The following TMEM63B variants were observed in gnomAD, a reference collection of about 807,000 sequenced individuals.
The protein encoded by TMEM63B is mechanosensitive cation channel TMEM63B.
A neutral mutation model predicts 102.6 loss-of-function variants in TMEM63B; 23 were observed. The ratio of observed to expected loss-of-function variants is 0.22; its 90% CI spans 0.16 to 0.32. TMEM63B has a LOEUF of 0.32. TMEM63B is among the 10% of genes least tolerant of loss of function. The pLI is 1.00. For missense variants in TMEM63B, 628 were observed against 1,095.9 expected, an observed-to-expected ratio of 0.57 and a Z score of 6.03; for synonymous variants, 444 against 437.0, an observed-to-expected ratio of 1.02 and a Z score of -0.20.
rs533309368 is a variant in TMEM63B at position 44,144,300 on chromosome 6, C to T, written c.783-2547C>T. Among the ~76,000 whole-genome samples the T allele has an allele frequency of 7.9e-5, 12 of 152,298 alleles. No homozygotes were observed. In the South Asian group the frequency reaches 2.5e-3, roughly 32 times the overall value. On this transcript the variant is annotated intron_variant, in intron 10 of 23. Coordinates refer to ENST00000323267, the MANE Select transcript of TMEM63B (RefSeq NM_018426.3). ...CAGTCTGTCTGGATTGGAAGACTGT[C>T]TCAGCACAATTAGGAAATATCTTGC...
Position 44,135,013 on chromosome 6 carries a change from T to C in TMEM63B, c.160-4T>C, listed in dbSNP as rs1184436186. On this transcript the variant is annotated splice_region_variant and splice_polypyrimidine_tract_variant and intron_variant, in intron 2 of 23. Transcript: ENST00000323267. Reference sequence around the variant, plus strand: ...CACTTGCCAACTGCCCCCTCTTCCCTCAGGCACTGCTGTTCTTATTCTCTA... The same window carrying C: ...CACTTGCCAACTGCCCCCTCTTCCCCCAGGCACTGCTGTTCTTATTCTCTA... The C allele has an allele frequency of 6.2e-7, 1 of 1,614,206 alleles. No individual in the cohort carries two copies. Among genetic ancestry groups the C allele is most frequent in the Non-Finnish European group, 8.5e-7 (1 of 1,180,022 alleles).
chr6:44,155,023 G>C lies in TMEM63B; in HGVS notation c.*140G>C. ...TTCATTAAGGTATTTAAACTTGGGG[G>C]TTTCACTGCTCTCCCCCATGATGGA... On this transcript the variant is annotated 3_prime_UTR_variant, in exon 24 of 24. Transcript: ENST00000323267. 1 of 815,384 alleles carries C rather than the reference G, an allele frequency of 1.2e-6. No homozygotes were observed. The highest frequency in any genetic ancestry group is 1.7e-6 in the Non-Finnish European group (1 of 573,360). The allele number at this position is 815,384 out of a possible 1,614,324, so 50.5% of individuals were successfully genotyped here.
At position 44,136,383 on chromosome 6, in the gene TMEM63B, C is replaced by T. The variant is rs767663908; in HGVS notation, c.313C>T (p.Arg105Trp). 9.3e-6 allele frequency: 15 copies of T among 1,613,972 alleles called. No homozygotes were observed. Among genetic ancestry groups the T allele is most frequent in the South Asian group, 2.2e-5 (2 of 91,086 alleles). Residue 105 changes from arginine (R) to tryptophan (W), a missense_variant, in exon 5 of 24, where the codon CGG (arginine) becomes TGG (tryptophan). Physicochemically the swap from Arg to Trp is moderately radical, Grantham distance 101. This residue lies in a region of TMEM63B where 336 missense variants were observed against 580.3 expected (regional missense o/e 0.58). Coordinates refer to ENST00000323267, the MANE Select transcript of TMEM63B (RefSeq NM_018426.3). ...AGCTATGCACGGGGACAGCCATGACCGGTATGAGCGTCTCACCTCTGTCTC... is the reference window on the plus strand; with the variant it reads ...AGCTATGCACGGGGACAGCCATGACTGGTATGAGCGTCTCACCTCTGTCTC... ...ASAMHGDSHD[R>W]YERLTSVSSS...
At chr6:44,141,991 G>T (rs376533246) in intron 10 of TMEM63B, among the ~76,000 whole-genome samples, 2 of 151,850 alleles carry the variant, frequency 1.3e-5, no homozygotes, top group South Asian at 2.1e-4. Flanking sequence ...GTGTGGTGGC[G>T]TGCGCCTGTA....
chr6:44,134,124 C>T (rs904517706), intron 1 of TMEM63B, among the ~76,000 whole-genome samples: 3 of 152,188 alleles, frequency 2.0e-5, no homozygotes, highest in Non-Finnish European at 4.4e-5. Context: ...CCCATTCTCC[C>T]CTGACGTGGA....
At chr6:44,149,832 C>T (rs768316920) in intron 15 of TMEM63B, 27 bp from the exon 16 acceptor site, 15 of 1,583,914 alleles carry the variant, frequency 9.5e-6, no homozygotes, top group Non-Finnish European at 1.2e-5. Context: ...ACTGCCCTGC[C>T]TGACGCCCCC....
chr6:44,142,578 G>C (rs1323692215), intron 10 of TMEM63B, among the ~76,000 whole-genome samples: 1 of 152,170 alleles, frequency 6.6e-6, no homozygotes, highest in Non-Finnish European at 1.5e-5. Context: ...TAGTATGGCA[G>C]TCGGCTTTAG....
chr6:44,139,026 C>T (rs185711256), intron 6 of TMEM63B: 11 of 252,692 alleles, frequency 4.4e-5, no homozygotes, highest in South Asian at 3.8e-4. Flanking sequence ...TGCTGCTGCC[C>T]CTCCTCCCAT....
Position 44,141,084 on chromosome 6 carries a change from C to T in TMEM63B, c.768C>T (p.Ile256=). The T allele has an allele frequency of 6.2e-7, 1 of 1,614,014 alleles. No homozygotes were observed. The highest frequency in any genetic ancestry group is 8.5e-7 in the Non-Finnish European group (1 of 1,179,984). The part of the protein sequence containing the change: ...GISKYAESEK[I]KKHFEEAYPN... ...CCAAATATGCAGAGTCAGAAAAGAT[C>T]AAGAAGCATTTTGAGTGAGTAAGCC... The change falls in exon 10 of 24, where the codon ATC becomes ATT. Residue 256 remains isoleucine (I), a synonymous_variant. Transcript: ENST00000323267.
At chr6:44,129,594 G>A (rs1366562448) in intron 1 of TMEM63B, among the ~76,000 whole-genome samples, 1 of 152,158 alleles carries the variant, frequency 6.6e-6, no homozygotes, top group Non-Finnish European at 1.5e-5. Flanking sequence ...TTCAAAGAGT[G>A]AGAATATTCC....
At position 44,140,360 on chromosome 6, in the gene TMEM63B, G is replaced by A; in HGVS notation, c.711G>A (p.Leu237=). The A allele has an allele frequency of 6.2e-7, 1 of 1,612,602 alleles. No individual in the cohort carries two copies. The highest frequency in any genetic ancestry group is 8.5e-7 in the Non-Finnish European group (1 of 1,178,940). ...TSKMRYKEDD[L]VKRTLFINGI... Reference sequence around the variant, plus strand: ...AGATGCGCTACAAGGAGGATGATCTGGTGCGTGGAGCAGAGCCCAGGTCCT... The same window carrying A: ...AGATGCGCTACAAGGAGGATGATCTAGTGCGTGGAGCAGAGCCCAGGTCCT... Residue 237 remains leucine (L), a splice_region_variant and synonymous_variant, in exon 9 of 24, where the codon CTG becomes CTA. Transcript: ENST00000323267.
chr6:44,131,867 T>C (rs905402208), intron 1 of TMEM63B, among the ~76,000 whole-genome samples: 3 of 151,896 alleles, frequency 2.0e-5, no homozygotes, highest in Non-Finnish European at 4.4e-5. Context: ...AACCAAAACC[T>C]CAATATCAGA....
chr6:44,146,884 C>G lies in TMEM63B; in HGVS notation c.820C>G (p.Pro274Ala). The G allele has an allele frequency of 1.2e-6, 2 of 1,614,112 alleles. No individual in the cohort carries two copies. The highest frequency in any genetic ancestry group is 1.7e-5 in the Admixed American group (1 of 60,012). ...CAACTGCACAGTTCTCGAAGCCCGC[C>G]CGTGTTACAACGTGGCTCGCCTAAT... ...YPNCTVLEAR[P>A]CYNVARLMFL... The change falls in exon 11 of 24, where the codon CCG (proline) becomes GCG (alanine). Residue 274 changes from proline to alanine, a missense_variant. Transcript: ENST00000323267.
At chr6:44,135,452 G>A in intron 4 of TMEM63B, 86 bp downstream of exon 4, 1 of 1,500,714 alleles carries the variant, frequency 6.7e-7, no homozygotes. Flanking sequence ...CTGCCAAGTT[G>A]CTGGTTTCTT....
chr6:44,136,258 C>A, intron 4 of TMEM63B, 91 bp from the exon 5 acceptor site: 1 of 1,032,454 alleles, frequency 9.7e-7, no homozygotes, highest in Non-Finnish European at 1.5e-6. Flanking sequence ...TCTGTGCCTT[C>A]TGTAGCCCTG....
At chr6:44,141,934 C>T (rs1265348869) in intron 10 of TMEM63B, among the ~76,000 whole-genome samples, 1 of 151,644 alleles carries the variant, frequency 6.6e-6, no homozygotes, top group Non-Finnish European at 1.5e-5. Context: ...CCAGCCTGGG[C>T]AACATAGCAA....
At chr6:44,143,762 C>T (rs1416498495) in intron 10 of TMEM63B, among the ~76,000 whole-genome samples, 1 of 151,936 alleles carries the variant, frequency 6.6e-6, no homozygotes, top group Non-Finnish European at 1.5e-5. Context: ...GAGGTAGGTG[C>T]TAAGAAAACC....
At position 44,152,584 on chromosome 6, in the gene TMEM63B, C is replaced by T. The variant is rs754950053; in HGVS notation, c.1837-9C>T. 4 of 1,595,912 alleles carry T rather than the reference C, an allele frequency of 2.5e-6. No homozygotes were observed. The South Asian group carries it at 3.3e-5, about 13-fold the overall frequency. On this transcript the variant is annotated splice_polypyrimidine_tract_variant and intron_variant, in intron 19 of 23. Transcript: ENST00000323267. The surrounding 1 kb of genome is among the most constrained non-coding windows in gnomAD (Gnocchi z 6.4). ...CCCTGAGCCATCCTCCTGCCCGTCT[C>T]CCCCCCAGCATCAGGCCTACGAGTT...
At chr6:44,134,269 G>C (rs1043119891) in intron 1 of TMEM63B, among the ~76,000 whole-genome samples, 6 of 152,136 alleles carry the variant, frequency 3.9e-5, no homozygotes, top group Admixed American at 2.0e-4. Context: ...TTAGATAGAT[G>C]TTAGAAAATC....
Sources: allele counts gnomAD v4.1 joint callset (sites outside exome capture counted in the v4.1 genomes callset), GRCh38; gene constraint gnomAD v4.1.1; regional missense constraint gnomAD v4.1.1; non-coding constraint Gnocchi (gnomAD v3.1); transcripts MANE v1.5; gene names NCBI Gene and HGNC (gene_info 2026-07-23, HGNC 2026-07-21).